Variants in TBC1D32 observed in about 807,000 individuals in gnomAD.
TBC1D32 encodes the protein protein broad-minded.
In TBC1D32, 151 loss-of-function variants were observed where a neutral mutation model predicts 170.3. The observed-to-expected ratio is 0.89, with a 90% CI of 0.78 to 1.01. The LOEUF is 1.01. Ranked by LOEUF, TBC1D32 falls within the 50% of genes least tolerant of loss-of-function variation. TBC1D32 has a pLI of 0.00. For synonymous variants in TBC1D32, 498 were observed against 488.0 expected, an observed-to-expected ratio of 1.02 and a Z score of -0.27; for missense variants, 1,464 against 1,457.1, an observed-to-expected ratio of 1.00 and a Z score of -0.08.
At chr6:121,116,787 G>A (rs1007285716) in intron 26 of TBC1D32, among the ~76,000 whole-genome samples, 3 of 152,194 alleles carry the variant, frequency 2.0e-5, no homozygotes, top group African/African-American at 7.2e-5. Flanking sequence ...AAAGAAAAGA[G>A]TTCTTACATA....
chr6:121,279,278 A>G (rs774465357), intron 14 of TBC1D32, 33 bp from the exon 15 acceptor site: 1 of 1,593,726 alleles, frequency 6.3e-7, no homozygotes, highest in South Asian at 1.2e-5. Flanking sequence ...GACAAATCAC[A>G]TAATTTTATG....
chr6:121,274,359 C>A (rs560955925), intron 15 of TBC1D32, among the ~76,000 whole-genome samples: 1,875 of 141,832 alleles, frequency 0.013, 38 homozygotes, highest in African/African-American at 0.045. Flanking sequence ...CAAACAACAA[C>A]AAAAAAAAAA....
intron 2 of TBC1D32, among the ~76,000 whole-genome samples, chr6:121,321,343 A>G (rs948470466): frequency 6.6e-6 from 1 of 152,216 alleles, no homozygotes; most frequent in African/African-American, 2.4e-5. Context: ...GCAAGACCAC[A>G]GTGGCTAGAG....
intron 17 of TBC1D32, among the ~76,000 whole-genome samples, chr6:121,252,445 C>G (rs1238105065): frequency 6.6e-6 from 1 of 152,188 alleles, no homozygotes; most frequent in African/African-American, 2.4e-5. Context: ...TGGAAACCAT[C>G]ATTCTCAGCA....
chr6:121,280,234 A>C (rs912056905), intron 14 of TBC1D32, among the ~76,000 whole-genome samples: 4 of 151,884 alleles, frequency 2.6e-5, no homozygotes, highest in Non-Finnish European at 5.9e-5. Context: ...GTCTATATAA[A>C]TATAAACACA....
chr6:121,090,725 T>A lies in TBC1D32; in HGVS notation c.3654+128A>T, dbSNP rs944415537. 9.0e-6 allele frequency: 7 copies of A among 779,812 alleles called. No homozygotes were observed. The African/African-American group carries it at 1.1e-4, about 12-fold the overall frequency. 48.3% of individuals were successfully genotyped at this position (779,812 alleles called of 1,614,324 possible). A position where few individuals can be genotyped will look rare whatever the true frequency, so the allele number is the denominator to read the frequency against. On this transcript the variant is annotated intron_variant, in intron 31 of 31. Transcript: ENST00000398212. Reference sequence around the variant, plus strand: ...AGTTTACTCATCTCTAAAATGGGGATGATAATAGTATCTACCTCTCACCAT... The same window carrying A: ...AGTTTACTCATCTCTAAAATGGGGAAGATAATAGTATCTACCTCTCACCAT...
chr6:121,261,694 G>T (rs552522718), intron 15 of TBC1D32, among the ~76,000 whole-genome samples: 7 of 152,136 alleles, frequency 4.6e-5, no homozygotes. Flanking sequence ...AAAAAATGCT[G>T]AAAACCCAAA....
intron 31 of TBC1D32, among the ~76,000 whole-genome samples, chr6:121,086,943 TTTCCCCTTGGAAATATCTACAGAC>T: frequency 6.6e-6 from 1 of 152,340 alleles, no homozygotes; most frequent in East Asian, 1.9e-4. Context: ...GTTGGATGTT[TTTCCCCTTGGAAATATCTACAGAC>T]TTTCTGAACC....
intron 24 of TBC1D32, among the ~76,000 whole-genome samples, chr6:121,154,090 C>T (rs546418761): frequency 2.7e-5 from 4 of 150,320 alleles, no homozygotes; most frequent in South Asian, 2.1e-4. Context: ...GTCCAAATGG[C>T]TGCACAGTTT....
At chr6:121,224,180 A>G (rs1794824143) in intron 20 of TBC1D32, among the ~76,000 whole-genome samples, 1 of 152,102 alleles carries the variant, frequency 6.6e-6, no homozygotes, top group Non-Finnish European at 1.5e-5. Context: ...CCACCTATAC[A>G]TACTTTTTTA....
At chr6:121,127,445 G>A (rs1780972775) in intron 25 of TBC1D32, among the ~76,000 whole-genome samples, 1 of 152,118 alleles carries the variant, frequency 6.6e-6, no homozygotes, top group East Asian at 1.9e-4. Context: ...AGTTGAATAA[G>A]TATTAAAAGT....
chr6:121,109,516 C>T (rs1050243381), intron 29 of TBC1D32, among the ~76,000 whole-genome samples: 6 of 152,052 alleles, frequency 3.9e-5, no homozygotes, highest in Non-Finnish European at 8.8e-5. Flanking sequence ...GATATTTCTA[C>T]TATGAAAATA....
intron 30 of TBC1D32, among the ~76,000 whole-genome samples, chr6:121,096,897 T>A (rs956567341): frequency 2.0e-5 from 3 of 151,976 alleles, no homozygotes; most frequent in African/African-American, 7.2e-5. Context: ...ACACCACACA[T>A]CTACAACCAT....
chr6:121,151,142 G>A (rs1478124916), intron 24 of TBC1D32, among the ~76,000 whole-genome samples: 4 of 152,106 alleles, frequency 2.6e-5, no homozygotes, highest in Non-Finnish European at 4.4e-5. Context: ...TGGGCATTTA[G>A]TGCTATAAAT....
chr6:121,274,949 T>C (rs756843976), intron 15 of TBC1D32, among the ~76,000 whole-genome samples: 2 of 152,034 alleles, frequency 1.3e-5, no homozygotes, highest in African/African-American at 2.4e-5. Flanking sequence ...GCTAAGTACA[T>C]TGAAAATTGT....
intron 24 of TBC1D32, among the ~76,000 whole-genome samples, chr6:121,151,578 A>G (rs1456659572): frequency 1.3e-5 from 2 of 152,012 alleles, no homozygotes; most frequent in East Asian, 1.9e-4. Context: ...GTCTCGATCA[A>G]CTGTCTAATA....
intron 1 of TBC1D32, among the ~76,000 whole-genome samples, chr6:121,324,943 C>T (rs1375268572): frequency 6.6e-6 from 1 of 152,204 alleles, no homozygotes; most frequent in African/African-American, 2.4e-5. Flanking sequence ...GGCACAGCGG[C>T]TCACGCCTGT....
intron 15 of TBC1D32, among the ~76,000 whole-genome samples, chr6:121,276,754 G>A (rs1312067126): frequency 6.6e-6 from 1 of 152,160 alleles, no homozygotes; most frequent in Non-Finnish European, 1.5e-5. Context: ...AGCTGGAGTA[G>A]CTGTATTAGT....
chr6:121,281,444 C>G, intron 14 of TBC1D32, 100 bp downstream of exon 14: 1 of 872,162 alleles, frequency 1.1e-6, no homozygotes, highest in Non-Finnish European at 1.8e-6. Context: ...TATGGAAGGA[C>G]AGCATAATAA....
Sources: allele counts gnomAD v4.1 joint callset (sites outside exome capture counted in the v4.1 genomes callset), GRCh38; gene constraint gnomAD v4.1.1; transcripts MANE v1.5; gene names NCBI Gene and HGNC (gene_info 2026-07-23, HGNC 2026-07-21).